Variants in ZRANB3 observed in about 807,000 individuals in gnomAD.
ZRANB3 encodes the protein DNA annealing helicase and endonuclease ZRANB3.
Under a neutral mutation model 133.8 loss-of-function variants are expected in ZRANB3, and 125 were observed. The ratio of observed to expected loss-of-function variants is 0.93; its 90% CI spans 0.81 to 1.08. The LOEUF (loss-of-function observed/expected upper bound fraction) is 1.08. Ranked by LOEUF, ZRANB3 falls within the 50% of genes least tolerant of loss-of-function variation. The pLI is 0.00. For missense variants in ZRANB3, 1,229 were observed against 1,275.5 expected, an observed-to-expected ratio of 0.96 and a Z score of 0.56; for synonymous variants, 387 against 432.7, an observed-to-expected ratio of 0.89 and a Z score of 1.31.
At chr2:135,437,378 C>G (rs948946291) in intron 2 of ZRANB3, among the ~76,000 whole-genome samples, 3 of 152,156 alleles carry the variant, frequency 2.0e-5, no homozygotes, top group African/African-American at 7.2e-5. Context: ...GAGTGTACAA[C>G]GTGTTATTCT....
chr2:135,337,935 A>C (rs7608637), intron 6 of ZRANB3, among the ~76,000 whole-genome samples: 40,244 of 152,092 alleles, frequency 0.26, 8,872 homozygotes, highest in African/African-American at 0.59. Context: ...ATGAAGAAAC[A>C]AAACTTTGAG....
At position 135,519,279 on chromosome 2, in the gene ZRANB3, C is replaced by CGCATTATTTCTTAT. The variant is rs562579662; in HGVS notation, c.-8+11847_-8+11848insATAAGAAATAATGC. On this transcript the variant is annotated intron_variant, in intron 1 of 20. Transcript: ENST00000264159. ...TAGGGAAAGGTCCACAGTATCTCTC[C>CGCATTATTTCTTAT]GCATTATTTCTTACAATTTCCCGTG... 8.1e-4 allele frequency among the ~76,000 whole-genome samples: 123 copies of CGCATTATTTCTTAT among 152,144 alleles called. 1 individual carries two copies. The highest frequency in any genetic ancestry group is 2.6e-3 in the African/African-American group (109 of 41,486).
chr2:135,307,058 A>C (rs945922968), intron 8 of ZRANB3, among the ~76,000 whole-genome samples: 2 of 152,022 alleles, frequency 1.3e-5, no homozygotes, highest in African/African-American at 4.8e-5. Flanking sequence ...ATTTTATTTT[A>C]CTTTATTTAT....
intron 2 of ZRANB3, among the ~76,000 whole-genome samples, chr2:135,392,935 G>T (rs1687309267): frequency 6.6e-6 from 1 of 151,746 alleles, no homozygotes; most frequent in Non-Finnish European, 1.5e-5. Flanking sequence ...CTAGAGGGCA[G>T]TGGCACAATC....
intron 2 of ZRANB3, among the ~76,000 whole-genome samples, chr2:135,429,396 G>A (rs2104979640): frequency 6.6e-6 from 1 of 152,202 alleles, no homozygotes; most frequent in Middle Eastern, 3.4e-3. Context: ...GGTGGAGAGT[G>A]GGAGGAGGGA....
intron 1 of ZRANB3, among the ~76,000 whole-genome samples, chr2:135,505,088 C>T (rs918052426): frequency 6.6e-6 from 1 of 152,024 alleles, no homozygotes; most frequent in Non-Finnish European, 1.5e-5. Context: ...TGATTAACAC[C>T]TTCCTCACCC....
chr2:135,326,958 A>G (rs1439499958), intron 6 of ZRANB3, among the ~76,000 whole-genome samples: 2 of 151,732 alleles, frequency 1.3e-5, no homozygotes, highest in African/African-American at 4.8e-5. Flanking sequence ...GACATATGTG[A>G]AACATTTTAT....
chr2:135,275,225 C>T (rs1427273823), intron 9 of ZRANB3, among the ~76,000 whole-genome samples: 18 of 151,922 alleles, frequency 1.2e-4, no homozygotes, highest in Non-Finnish European at 1.2e-4. Context: ...CCCCACCTCC[C>T]GGACGGGGCG....
At chr2:135,456,664 A>G (rs1198854732) in intron 2 of ZRANB3, among the ~76,000 whole-genome samples, 2 of 152,226 alleles carry the variant, frequency 1.3e-5, no homozygotes, top group Non-Finnish European at 2.9e-5. Context: ...CAAAGGAACC[A>G]GAAAGCCACA....
At chr2:135,407,103 T>C (rs919528374) in intron 2 of ZRANB3, among the ~76,000 whole-genome samples, 67 of 152,212 alleles carry the variant, frequency 4.4e-4, no homozygotes, top group Middle Eastern at 3.2e-3. Flanking sequence ...CTCCTTAAGC[T>C]GATAGGCAAC....
chr2:135,475,543 T>G lies in ZRANB3; in HGVS notation c.161+28786A>C. ...TGGTGGCATGGGCATACTCTTGACA[T>G]GGATGGAATGAACAGAACCTAAAGC... On this transcript the variant is annotated intron_variant, in intron 2 of 20. Coordinates refer to ENST00000264159, the MANE Select transcript of ZRANB3 (RefSeq NM_032143.4). Among the ~76,000 whole-genome samples the G allele has an allele frequency of 1.3e-5, 2 of 152,222 alleles. 1 individual carries two copies. The highest frequency in any genetic ancestry group is 1.3e-4 in the Admixed American group (2 of 15,290).
intron 2 of ZRANB3, among the ~76,000 whole-genome samples, chr2:135,405,576 C>T (rs1687974684): frequency 6.6e-6 from 1 of 152,174 alleles, no homozygotes; most frequent in African/African-American, 2.4e-5. Context: ...GGAAGTAAAG[C>T]ACTCCTCAAC....
intron 2 of ZRANB3, among the ~76,000 whole-genome samples, chr2:135,427,033 C>G (rs1237880755): frequency 6.7e-6 from 1 of 150,108 alleles, no homozygotes; most frequent in Non-Finnish European, 1.5e-5. Context: ...ATTAAAAACT[C>G]TCAACAAACT....
intron 11 of ZRANB3, 147 bp downstream of exon 11, chr2:135,268,814 CT>C: frequency 1.4e-6 from 1 of 697,670 alleles, no homozygotes; most frequent in East Asian, 2.8e-5. Context: ...CTACTGAAGC[CT>C]TTTCTTAACT....
At chr2:135,345,779 C>G in intron 5 of ZRANB3, 144 bp from the exon 6 acceptor site, 1 of 606,834 alleles carries the variant, frequency 1.6e-6, no homozygotes, top group Non-Finnish European at 2.9e-6. Flanking sequence ...TACTATTCAT[C>G]AGGGATAACC....
At chr2:135,398,232 A>G (rs887516260) in intron 2 of ZRANB3, among the ~76,000 whole-genome samples, 1 of 151,238 alleles carries the variant, frequency 6.6e-6, no homozygotes, top group African/African-American at 2.4e-5. Context: ...CACCCGGCTA[A>G]TTGTTTTGTT....
chr2:135,491,330 T>C (rs1008069354), intron 2 of ZRANB3, among the ~76,000 whole-genome samples: 1 of 150,458 alleles, frequency 6.6e-6, no homozygotes, highest in African/African-American at 2.5e-5. Context: ...AAAGAAATAA[T>C]GTTAAGTATT....
intron 6 of ZRANB3, among the ~76,000 whole-genome samples, chr2:135,332,697 T>C (rs1324449348): frequency 6.6e-6 from 1 of 152,136 alleles, no homozygotes; most frequent in Admixed American, 6.6e-5. Context: ...ACCTGGTAAA[T>C]TGAGACATTC....
At chr2:135,479,960 C>T (rs898129001) in intron 2 of ZRANB3, among the ~76,000 whole-genome samples, 8 of 149,828 alleles carry the variant, frequency 5.3e-5, no homozygotes, top group African/African-American at 9.8e-5. Flanking sequence ...TTTTTTGAGA[C>T]GGATGCTCTG....
Sources: allele counts gnomAD v4.1 joint callset (sites outside exome capture counted in the v4.1 genomes callset), GRCh38; gene constraint gnomAD v4.1.1; transcripts MANE v1.5; gene names NCBI Gene and HGNC (gene_info 2026-07-23, HGNC 2026-07-21).